The following RABGAP1L variants were observed in gnomAD, a reference collection of about 807,000 sequenced individuals.
RABGAP1L encodes the protein RAB GTPase activating protein 1 like.
RABGAP1L carries 63 observed loss-of-function variants against 137.7 expected under a neutral mutation model. That is an observed-to-expected ratio of 0.46 (90% CI 0.37 to 0.56). The LOEUF (loss-of-function observed/expected upper bound fraction) is 0.56, where lower values mean the gene tolerates loss of function less well. Among genes scored for constraint, RABGAP1L ranks in the 20% least tolerant of loss-of-function variants. The pLI is 0.00. For synonymous variants in RABGAP1L, 431 were observed against 433.7 expected, an observed-to-expected ratio of 0.99 and a Z score of 0.08; for missense variants, 1,095 against 1,244.0, an observed-to-expected ratio of 0.88 and a Z score of 1.80.
intron 13 of RABGAP1L, among the ~76,000 whole-genome samples, chr1:174,510,064 T>A (rs1662188538): frequency 6.6e-6 from 1 of 152,320 alleles, no homozygotes; most frequent in Non-Finnish European, 1.5e-5. Flanking sequence ...TCTTAAGAAC[T>A]GGACTGGTAA....
chr1:174,733,559 AC>A (rs1455703098), intron 17 of RABGAP1L, among the ~76,000 whole-genome samples: 1 of 152,112 alleles, frequency 6.6e-6, no homozygotes, highest in African/African-American at 2.4e-5. Flanking sequence ...TGATCTTTCT[AC>A]CTTTGGGCTC....
intron 11 of RABGAP1L, among the ~76,000 whole-genome samples, chr1:174,353,110 T>C (rs1683335804): frequency 6.6e-6 from 1 of 152,168 alleles, no homozygotes; most frequent in South Asian, 2.1e-4. Context: ...TAGGCCCAAG[T>C]GCTCTTCATT....
intron 11 of RABGAP1L, among the ~76,000 whole-genome samples, chr1:174,312,822 C>A (rs1004837813): frequency 1.3e-5 from 2 of 152,132 alleles, no homozygotes; most frequent in African/African-American, 4.8e-5. Flanking sequence ...TATGGATATT[C>A]AGTTTTCCCA....
chr1:174,454,031 G>C (rs1276130272), intron 13 of RABGAP1L, among the ~76,000 whole-genome samples: 2 of 152,142 alleles, frequency 1.3e-5, no homozygotes, highest in Non-Finnish European at 2.9e-5. Flanking sequence ...TTGGGAGGCC[G>C]AGGCGGGCAG....
intron 17 of RABGAP1L, among the ~76,000 whole-genome samples, chr1:174,720,686 G>A (rs1681455741): frequency 6.6e-6 from 1 of 152,100 alleles, no homozygotes; most frequent in Non-Finnish European, 1.5e-5. Context: ...CCATATAAAA[G>A]AATGAAGTTG....
chr1:174,349,576 G>T (rs1297871110), intron 11 of RABGAP1L, among the ~76,000 whole-genome samples: 1 of 141,224 alleles, frequency 7.1e-6, no homozygotes, highest in East Asian at 2.4e-4. Context: ...CACTGGCCGG[G>T]CAGGGGGGCT....
Position 174,394,040 on chromosome 1 carries a change from G to C in RABGAP1L, c.1605G>C (p.Val535=). Residue 535 remains valine (V), a synonymous_variant, in exon 13 of 26, where the codon GTG becomes GTC. Transcript: ENST00000681986. ...GARPKGLSTL[V]KSGVPEALRA... The stretch of plus-strand genomic sequence containing the variant: ...GACCGAAAGGGCTGTCTACTCTGGT[G>C]AAGAGTGGTGTCCCTGAAGCATTGA... 1 of 1,613,866 alleles carries C rather than the reference G, an allele frequency of 6.2e-7. No individual in the cohort carries two copies. Among genetic ancestry groups the C allele is most frequent in the Non-Finnish European group, 8.5e-7 (1 of 1,179,822 alleles).
At chr1:174,300,530 A>AC (rs1491342400) in intron 10 of RABGAP1L, among the ~76,000 whole-genome samples, 1 of 42,030 alleles carries the variant, frequency 2.4e-5, no homozygotes, top group African/African-American at 5.8e-4. Context: ...ACTCCATCTC[A>AC]AAAAAAAAAA....
intron 13 of RABGAP1L, among the ~76,000 whole-genome samples, chr1:174,632,647 C>G (rs1206882181): frequency 6.7e-6 from 1 of 150,052 alleles, no homozygotes; most frequent in Non-Finnish European, 1.5e-5. Flanking sequence ...TTCATTTCAT[C>G]TTCCATCACT....
At chr1:174,492,666 A>T (rs758742599) in intron 13 of RABGAP1L, among the ~76,000 whole-genome samples, 1 of 151,764 alleles carries the variant, frequency 6.6e-6, no homozygotes, top group African/African-American at 2.4e-5. Flanking sequence ...TAATTCTTCA[A>T]ATGCACTGTA....
At chr1:174,257,185 G>A (rs1673210095) in intron 7 of RABGAP1L, among the ~76,000 whole-genome samples, 1 of 151,986 alleles carries the variant, frequency 6.6e-6, no homozygotes, top group Admixed American at 6.6e-5. Flanking sequence ...TTCCTTTTTA[G>A]CATAACAAAG....
rs184569638 is a variant in RABGAP1L, at chr1:174,948,004, A to C, written c.2341-9453A>C. 7.5e-4 allele frequency among the ~76,000 whole-genome samples: 114 copies of C among 152,274 alleles called. 1 individual carries two copies. Among genetic ancestry groups the C allele is most frequent in the African/African-American group, 2.7e-3 (113 of 41,560 alleles). On this transcript the variant is annotated intron_variant, in intron 19 of 25. Coordinates refer to ENST00000681986, the MANE Select transcript of RABGAP1L (RefSeq NM_001366446.1). ...GGTGGTTGTGTTCTCAGGCCAATTC[A>C]TAAAAGCTTCTCTAGCCTGTCTCTT...
chr1:174,517,451 T>C (rs987745074), intron 13 of RABGAP1L, among the ~76,000 whole-genome samples: 8 of 152,178 alleles, frequency 5.3e-5, no homozygotes, highest in Admixed American at 2.6e-4. Flanking sequence ...TAAAACATTA[T>C]AGATCTGGAG....
At chr1:174,615,571 C>T (rs1671753375) in intron 13 of RABGAP1L, among the ~76,000 whole-genome samples, 1 of 152,218 alleles carries the variant, frequency 6.6e-6, no homozygotes, top group African/African-American at 2.4e-5. Context: ...CTCAGATCTC[C>T]AGCTGTGTGC....
chr1:174,817,603 G>A (rs747757393), intron 19 of RABGAP1L, among the ~76,000 whole-genome samples: 1 of 152,074 alleles, frequency 6.6e-6, no homozygotes, highest in Non-Finnish European at 1.5e-5. Flanking sequence ...TGTAAACCAC[G>A]GTAAGCAATT....
chr1:174,405,369 A>G (rs917106129), intron 13 of RABGAP1L, among the ~76,000 whole-genome samples: 2 of 152,170 alleles, frequency 1.3e-5, no homozygotes, highest in African/African-American at 4.8e-5. Flanking sequence ...ATTGAGAGTC[A>G]GAGCATCGCT....
chr1:174,527,125 A>G (rs931968361), intron 13 of RABGAP1L, among the ~76,000 whole-genome samples: 8 of 150,572 alleles, frequency 5.3e-5, no homozygotes, highest in African/African-American at 1.5e-4. Context: ...CCCTGAATCT[A>G]TGGCTTTCAA....
At chr1:174,724,435 C>T (rs967767318) in intron 17 of RABGAP1L, among the ~76,000 whole-genome samples, 2 of 152,162 alleles carry the variant, frequency 1.3e-5, no homozygotes, top group African/African-American at 4.8e-5. Context: ...GTACTTATAG[C>T]AGTTTGGAGG....
intron 18 of RABGAP1L, among the ~76,000 whole-genome samples, chr1:174,788,031 T>C (rs962872138): frequency 1.3e-5 from 2 of 152,222 alleles, no homozygotes; most frequent in Non-Finnish European, 2.9e-5. Context: ...AAATGTGTGC[T>C]TTATAGAGAA....
Sources: allele counts gnomAD v4.1 joint callset (sites outside exome capture counted in the v4.1 genomes callset), GRCh38; gene constraint gnomAD v4.1.1; transcripts MANE v1.5; gene names NCBI Gene and HGNC (gene_info 2026-07-23, HGNC 2026-07-21).